The following LNX1 variants were observed in gnomAD, a reference collection of about 807,000 sequenced individuals.
LNX1 encodes ligand of numb-protein X 1, also known as E3 ubiquitin-protein ligase LNX.
In LNX1, 54 loss-of-function variants were observed where a neutral mutation model predicts 68.4. That is an observed-to-expected ratio of 0.79 (90% CI 0.63 to 0.99). The LOEUF is 0.99. Among genes scored for constraint, LNX1 ranks in the 50% least tolerant of loss-of-function variants. The pLI, the probability that LNX1 is intolerant of heterozygous loss-of-function variation, is 0.00. For missense variants in LNX1, 906 were observed against 926.4 expected (o/e 0.98, Z 0.29); for synonymous variants, 336 against 350.0 (o/e 0.96, Z 0.45).
chr4:53,541,254 T>C (rs1218163962), intron 2 of LNX1, among the ~76,000 whole-genome samples: 1 of 152,080 alleles, frequency 6.6e-6, no homozygotes, highest in Non-Finnish European at 1.5e-5. Flanking sequence ...CAAGTTAGGA[T>C]ACCATTAGCA....
In LNX1 at chr4:53,461,523, C is replaced by G. The variant is rs1432477745; in HGVS notation, c.1963G>C (p.Gly655Arg). Residue 655 changes from glycine (G) to arginine (R), a missense_variant, in exon 10 of 11, where the codon GGA (glycine) becomes CGA (arginine). Coordinates refer to ENST00000263925, the MANE Select transcript of LNX1 (RefSeq NM_001126328.3). ...TAGSLGFCIV[G>R]GYEEYNGNKP... ...TTTCCATTGTATTCTTCATAACCTC[C>G]TACAATGCAGAAGCCCAGACTTCCA... 1.2e-6 allele frequency: 2 copies of G among 1,611,446 alleles called. No individual in the cohort carries two copies. The highest frequency in any genetic ancestry group is 1.7e-6 in the Non-Finnish European group (2 of 1,178,116).
intron 2 of LNX1, among the ~76,000 whole-genome samples, chr4:53,560,694 T>C (rs1307102835): frequency 6.6e-6 from 1 of 152,210 alleles, no homozygotes; most frequent in African/African-American, 2.4e-5. Flanking sequence ...TTTGAGACCA[T>C]GAGGTGACAA....
chr4:53,516,029 T>C (rs1213840974), intron 2 of LNX1, among the ~76,000 whole-genome samples: 1 of 152,156 alleles, frequency 6.6e-6, no homozygotes, highest in Non-Finnish European at 1.5e-5. Context: ...GGTGGAAAGA[T>C]CACTTGAAGC....
chr4:53,502,064 T>C (rs1725544259), intron 4 of LNX1: 1 of 152,146 alleles, frequency 6.6e-6, no homozygotes, highest in African/African-American at 2.4e-5. Context: ...TCTTCTGTAT[T>C]GGTCTGGAAA....
Position 53,573,847 on chromosome 4 carries a change from CA to C in LNX1, c.155del (p.Leu52ArgfsTer52), listed in dbSNP as rs1244405946. 5.0e-6 allele frequency: 8 copies of C among 1,613,646 alleles called. No individual in the cohort carries two copies. The highest frequency in any genetic ancestry group is 6.8e-6 in the Non-Finnish European group (8 of 1,179,778). On this transcript the variant is annotated frameshift_variant, in exon 2 of 11. Transcript: ENST00000263925. LOFTEE classifies it high-confidence loss of function. ...HICLQALLDP[L>X]DTPCGHTYCT... is the part of the protein sequence containing the mutation. ...AGTAGGTGTGTCCACACGGAGTGTC[CA>C]GGGGGTCCAGCAAAGCCTGCAGGCA...
At chr4:53,525,213 A>C (rs2109593424) in intron 2 of LNX1, among the ~76,000 whole-genome samples, 1 of 152,308 alleles carries the variant, frequency 6.6e-6, no homozygotes, top group East Asian at 1.9e-4. Flanking sequence ...GGCTGGGAGC[A>C]GTGGCTCACA....
chr4:53,487,479 T>C (rs1332032048), intron 6 of LNX1, among the ~76,000 whole-genome samples: 2 of 152,228 alleles, frequency 1.3e-5, no homozygotes, highest in East Asian at 3.8e-4. Flanking sequence ...GTATCAGTTT[T>C]ATAAAGTTTC....
At chr4:53,595,728 A>G (rs900606961), upstream of LNX1, among the ~76,000 whole-genome samples, 2 of 152,026 alleles carry the variant, frequency 1.3e-5, no homozygotes, top group African/African-American at 4.8e-5. Context: ...CTAAGGGGGG[A>G]AGGAGGTCTG....
intron 6 of LNX1, among the ~76,000 whole-genome samples, 169 bp from the exon 7 acceptor site, chr4:53,482,023 A>G (rs1349294224): frequency 6.6e-6 from 1 of 152,246 alleles, no homozygotes. Context: ...TGCCAAGAGC[A>G]TGAGAGCTCT....
chr4:53,594,249 A>C (rs576444941), upstream of LNX1: 1 of 152,094 alleles, frequency 6.6e-6, no homozygotes, highest in African/African-American at 2.4e-5. Flanking sequence ...CACACTTGAA[A>C]TCATCTTTTG....
chr4:53,607,408 G>A (rs1271479851), intron 2 of LNX1, among the ~76,000 whole-genome samples: 1 of 152,090 alleles, frequency 6.6e-6, no homozygotes, highest in Non-Finnish European at 1.5e-5. Context: ...TAACCAGGGA[G>A]GGGAACAATC....
intron 2 of LNX1, among the ~76,000 whole-genome samples, chr4:53,573,130 G>A: frequency 6.6e-6 from 1 of 152,166 alleles, no homozygotes; most frequent in African/African-American, 2.4e-5. Flanking sequence ...CATGAGATGA[G>A]CTGGTCGCAA....
chr4:53,576,490 A>G, intron 1 of LNX1: 3 of 1,255,144 alleles, frequency 2.4e-6, no homozygotes, highest in Non-Finnish European at 3.1e-6. Context: ...CCTTCCCATG[A>G]GGCAGGCTCT....
At chr4:53,463,232 A>C (rs951420477) in intron 9 of LNX1, among the ~76,000 whole-genome samples, 3 of 152,052 alleles carry the variant, frequency 2.0e-5, no homozygotes, top group Admixed American at 2.0e-4. Context: ...CCTATTTTCT[A>C]ACCTCTTGAT....
intron 2 of LNX1, among the ~76,000 whole-genome samples, chr4:53,533,049 T>C (rs761296679): frequency 1.7e-4 from 26 of 152,222 alleles, no homozygotes; most frequent in Non-Finnish European, 3.4e-4. Flanking sequence ...TAAGCACATA[T>C]GCTCCCTAGG....
intron 2 of LNX1, among the ~76,000 whole-genome samples, chr4:53,521,581 C>T (rs1727224348): frequency 6.6e-6 from 1 of 152,086 alleles, no homozygotes; most frequent in South Asian, 2.1e-4. Flanking sequence ...TCCTATTTTT[C>T]CAGCCAGTTT....
chr4:53,461,648 A>ATACT (rs1358416182), intron 9 of LNX1, 55 bp from the exon 10 acceptor site: 1 of 1,355,940 alleles, frequency 7.4e-7, no homozygotes, highest in South Asian at 1.3e-5. Flanking sequence ...AGTTAAGGGA[A>ATACT]TACTTACTGT....
chr4:53,524,437 G>T (rs1727468115), intron 2 of LNX1: 1 of 152,128 alleles, frequency 6.6e-6, no homozygotes, highest in African/African-American at 2.4e-5. Flanking sequence ...GGACCAAGGT[G>T]GTACTCTCTC....
intron 2 of LNX1, among the ~76,000 whole-genome samples, chr4:53,599,488 G>T (rs1384182607): frequency 6.6e-6 from 1 of 152,224 alleles, no homozygotes; most frequent in Non-Finnish European, 1.5e-5. Flanking sequence ...GCAACCAGCA[G>T]CCCTTGGGCC....
Sources: allele counts gnomAD v4.1 joint callset (sites outside exome capture counted in the v4.1 genomes callset), GRCh38; gene constraint gnomAD v4.1.1; transcripts MANE v1.5; gene names NCBI Gene and HGNC (gene_info 2026-07-23, HGNC 2026-07-21).